The following CATSPER3 variants were observed in gnomAD, a reference collection of about 807,000 sequenced individuals.
The protein encoded by CATSPER3 is cation channel sperm-associated protein 3.
A neutral mutation model predicts 36.6 loss-of-function variants in CATSPER3; 23 were observed. The ratio of observed to expected loss-of-function variants is 0.63; its 90% confidence interval spans 0.45 to 0.89. The LOEUF (loss-of-function observed/expected upper bound fraction) is 0.89. Among genes scored for constraint, CATSPER3 ranks in the 40% least tolerant of loss-of-function variants. The pLI, the probability that CATSPER3 is intolerant of heterozygous loss-of-function variation, is 0.00. For missense variants in CATSPER3, 474 were observed against 503.9 expected, an observed-to-expected ratio of 0.94 and a Z score of 0.57; for synonymous variants, 172 against 184.1, an observed-to-expected ratio of 0.93 and a Z score of 0.53.
chr5:135,007,897 T>G, intron 3 of CATSPER3, 60 bp from the exon 4 acceptor site: 1 of 1,340,762 alleles, frequency 7.5e-7, no homozygotes, highest in Non-Finnish European at 1.0e-6. Flanking sequence ...TGGACCTCTG[T>G]CCCTGGAGCC....
At chr5:134,987,982 A>C (rs952228194) in intron 2 of CATSPER3, among the ~76,000 whole-genome samples, 3 of 152,208 alleles carry the variant, frequency 2.0e-5, no homozygotes, top group Admixed American at 2.0e-4. Context: ...AAGGCATCTA[A>C]ATTGAAAAGA....
chr5:135,007,920 T>C lies in CATSPER3; in HGVS notation c.493-37T>C. The C allele has an allele frequency of 1.9e-6, 3 of 1,588,348 alleles. No individual in the cohort carries two copies. In the South Asian group the frequency reaches 3.3e-5, roughly 18 times the overall value. The stretch of plus-strand genomic sequence containing the variant: ...TGTCCCTGGAGCCCACCCAGCTTGG[T>C]GGTACCCTCGCCTACCACAGTGTCC... On this transcript the variant is annotated intron_variant, in intron 3 of 7. Coordinates refer to ENST00000282611, the MANE Select transcript of CATSPER3 (RefSeq NM_178019.3).
At chr5:135,002,564 A>G (rs1752034432) in intron 3 of CATSPER3, among the ~76,000 whole-genome samples, 1 of 152,214 alleles carries the variant, frequency 6.6e-6, no homozygotes, top group Admixed American at 6.5e-5. Flanking sequence ...GTGTTTTCCA[A>G]CTTGGTTCCA....
Position 135,011,523 on chromosome 5 carries a change from T to A in CATSPER3, c.1097T>A (p.Leu366His), listed in dbSNP as rs745909994. The A allele has an allele frequency of 1.9e-6, 3 of 1,612,950 alleles. No homozygotes were observed. Among genetic ancestry groups the A allele is most frequent in the Non-Finnish European group, 2.5e-6 (3 of 1,179,114 alleles). Residue 366 changes from leucine (L) to histidine (H), a missense_variant and splice_region_variant, in exon 8 of 8, where the codon CTT (leucine) becomes CAT (histidine). Coordinates refer to ENST00000282611, the MANE Select transcript of CATSPER3 (RefSeq NM_178019.3). Reference sequence around the variant, plus strand: ...TCTCCTCCTGCTCCATTTTTCAGGCTTCAAGAGCTGTACTATGAGATCGTG... The same window carrying A: ...TCTCCTCCTGCTCCATTTTTCAGGCATCAAGAGCTGTACTATGAGATCGTG... ...LDYQDTTVHKLQELYYEIVHV... is the reference protein window; with the variant it reads ...LDYQDTTVHKHQELYYEIVHV...
At chr5:134,989,722 A>G (rs1309677503) in intron 2 of CATSPER3, among the ~76,000 whole-genome samples, 1 of 152,212 alleles carries the variant, frequency 6.6e-6, no homozygotes, top group East Asian at 1.9e-4. Context: ...CATATGAGCA[A>G]TAGGGCTGTT....
intron 2 of CATSPER3, among the ~76,000 whole-genome samples, chr5:134,985,997 CAT>C (rs773177293): frequency 6.6e-6 from 1 of 151,614 alleles, no homozygotes; most frequent in Non-Finnish European, 1.5e-5. Flanking sequence ...CACACACAGC[CAT>C]ATATATATAC....
At position 134,970,032 on chromosome 5, in the gene CATSPER3, G is replaced by T; in HGVS notation, c.192G>T (p.Ala64=). Residue 64 remains alanine, a synonymous_variant, in exon 2 of 8, where the codon GCG becomes GCT. Transcript: ENST00000282611. Reference sequence around the variant, plus strand: ...TGATTAGCACTGTCACATCGAATGCGTTTTTTATGGCCTTGTGGACCAGTT... The same window carrying T: ...TGATTAGCACTGTCACATCGAATGCTTTTTTTATGGCCTTGTGGACCAGTT... ...IIMISTVTSN[A]FFMALWTSYD... is the part of the protein sequence containing the mutation. 6.2e-7 allele frequency: 1 copy of T among 1,614,056 alleles called. No individual in the cohort carries two copies. Among genetic ancestry groups the T allele is most frequent in the Admixed American group, 1.7e-5 (1 of 60,020 alleles).
chr5:134,968,186 T>G, intron 1 of CATSPER3, 97 bp downstream of exon 1: 1 of 859,026 alleles, frequency 1.2e-6, no homozygotes, highest in Admixed American at 1.9e-5. Context: ...CCTCAGATAC[T>G]CGTCTGCTTA....
intron 2 of CATSPER3, 62 bp from the exon 3 acceptor site, chr5:134,996,211 A>G (rs1026587849): frequency 6.8e-6 from 11 of 1,611,366 alleles, no homozygotes; most frequent in African/African-American, 6.7e-5. Context: ...CGCAGGGAGC[A>G]GGCCAGAGCT....
At chr5:134,993,321 CTTATTG>C (rs1751906009) in intron 2 of CATSPER3, among the ~76,000 whole-genome samples, 1 of 152,128 alleles carries the variant, frequency 6.6e-6, no homozygotes, top group Admixed American at 6.5e-5. Flanking sequence ...GGAATGAGAA[CTTATTG>C]TTTATTGGGT....
chr5:134,988,545 C>T (rs945774616), intron 2 of CATSPER3, among the ~76,000 whole-genome samples: 2 of 152,184 alleles, frequency 1.3e-5, no homozygotes, highest in Non-Finnish European at 2.9e-5. Context: ...ATAGCATCTT[C>T]GCCAGGCGTA....
rs145064586 is a variant in CATSPER3, at chr5:134,984,693, C to T, written c.253-11580C>T. ...TGGTAGGAAGCTAAATTAGGACAACCTCTATGGAAAACAGTATGGAGATTT... is the reference window on the plus strand; with the variant it reads ...TGGTAGGAAGCTAAATTAGGACAACTTCTATGGAAAACAGTATGGAGATTT... On this transcript the variant is annotated intron_variant, in intron 2 of 7. Coordinates refer to ENST00000282611, the MANE Select transcript of CATSPER3 (RefSeq NM_178019.3). Among the ~76,000 whole-genome samples, 429 of 152,294 alleles carry T rather than the reference C, an allele frequency of 2.8e-3. 3 individuals carry two copies. The highest frequency in any genetic ancestry group is 9.7e-3 in the African/African-American group (405 of 41,574).
At chr5:134,987,328 T>A (rs1580907452) in intron 2 of CATSPER3, among the ~76,000 whole-genome samples, 1 of 151,710 alleles carries the variant, frequency 6.6e-6, no homozygotes, top group East Asian at 1.9e-4. Context: ...TAACAAAAGG[T>A]TGAATCAGTA....
At chr5:134,987,136 A>G (rs1442218259) in intron 2 of CATSPER3, among the ~76,000 whole-genome samples, 1 of 152,216 alleles carries the variant, frequency 6.6e-6, no homozygotes, top group Non-Finnish European at 1.5e-5. Flanking sequence ...CTAAGAAAAT[A>G]AGACTCAAAT....
At chr5:134,997,162 T>G (rs1167278044) in intron 3 of CATSPER3, among the ~76,000 whole-genome samples, 1 of 152,164 alleles carries the variant, frequency 6.6e-6, no homozygotes, top group Non-Finnish European at 1.5e-5. Context: ...CTTCTCCAGG[T>G]GGGGGCTGGT....
intron 2 of CATSPER3, among the ~76,000 whole-genome samples, chr5:134,988,458 C>T (rs1275030087): frequency 1.3e-5 from 2 of 152,248 alleles, no homozygotes; most frequent in African/African-American, 4.8e-5. Context: ...AGCCAATCCT[C>T]TCAAACCCTG....
rs576041916 is a variant in CATSPER3 at position 134,986,066 on chromosome 5, G to A, written c.253-10207G>A. Among the ~76,000 whole-genome samples the A allele has an allele frequency of 7.3e-5, 11 of 151,526 alleles. No individual in the cohort carries two copies. In the South Asian group the frequency reaches 2.3e-3, roughly 32 times the overall value. On this transcript the variant is annotated intron_variant, in intron 2 of 7. Transcript: ENST00000282611. ...ATATATATACATAAAATTAGACAAAGTATCTTCACTGACAGCAATGAAACG... is the reference window on the plus strand; with the variant it reads ...ATATATATACATAAAATTAGACAAAATATCTTCACTGACAGCAATGAAACG...
chr5:135,008,549 CT>C (rs1317276023), intron 4 of CATSPER3, among the ~76,000 whole-genome samples: 1 of 151,958 alleles, frequency 6.6e-6, no homozygotes, highest in Non-Finnish European at 1.5e-5. Flanking sequence ...AGAGTGGGGT[CT>C]TTTTAAAGGT....
rs181082627 is a variant in CATSPER3 at position 134,969,720 on chromosome 5, A to C, written c.99-219A>C. ...ACCATTCTTTTTCAGAGGTCCAGGGAGAGGGAGCTAAGTAACTGAGTGAGG... is the reference window on the plus strand; with the variant it reads ...ACCATTCTTTTTCAGAGGTCCAGGGCGAGGGAGCTAAGTAACTGAGTGAGG... On this transcript the variant is annotated intron_variant, in intron 1 of 7. Coordinates refer to ENST00000282611, the MANE Select transcript of CATSPER3 (RefSeq NM_178019.3). The C allele has an allele frequency of 1.4e-3, 783 of 568,342 alleles. 9 individuals are homozygous for C. The highest frequency in any genetic ancestry group is 0.013 in the African/African-American group (677 of 53,412). The allele number at this position is 568,342 out of a possible 1,614,324, so 35.2% of individuals were successfully genotyped here.
Sources: gnomAD v4.1 joint callset for allele counts (sites outside exome capture counted in the v4.1 genomes callset) on GRCh38, gnomAD v4.1.1 for gene constraint, MANE v1.5 for transcripts, NCBI Gene and HGNC (gene_info 2026-07-23, HGNC 2026-07-21) for gene names.